Variants in MCM4 observed in about 807,000 individuals in gnomAD.
The protein encoded by MCM4 is minichromosome maintenance complex component 4.
Under a neutral mutation model 88.7 loss-of-function variants are expected in MCM4, and 60 were observed. The observed-to-expected ratio is 0.68, with a 90% CI of 0.55 to 0.84. The LOEUF (loss-of-function observed/expected upper bound fraction) is 0.84. Among genes scored for constraint, MCM4 ranks in the 40% least tolerant of loss-of-function variants. The probability of loss-of-function intolerance (pLI) is 0.00; values close to 1 mark genes in which losing one functional copy is unlikely to be tolerated. For synonymous variants in MCM4, 465 were observed against 410.5 expected, an observed-to-expected ratio of 1.13 and a Z score of -1.61; for missense variants, 1,149 against 1,105.5, an observed-to-expected ratio of 1.04 and a Z score of -0.56.
chr8:47,963,078 CA>C, intron 7 of MCM4, 38 bp downstream of exon 7: 1 of 1,168,820 alleles, frequency 8.6e-7, no homozygotes, highest in Non-Finnish European at 1.2e-6. Flanking sequence ...ATTTTAGTAA[CA>C]GTCTAGAAAG....
chr8:47,970,513 A>G lies in MCM4; in HGVS notation c.1437A>G (p.Gly479=). ...SIYEHEDIKK[G]ILLQLFGGTR... ...TAGACATGTCTCTGATTATTTAGGGAATTTTGCTTCAGCTCTTTGGCGGGA... is the reference window on the plus strand; with the variant it reads ...TAGACATGTCTCTGATTATTTAGGGGATTTTGCTTCAGCTCTTTGGCGGGA... The change falls in exon 12 of 17, where the codon GGA becomes GGG. Residue 479 remains glycine, a splice_region_variant and synonymous_variant. Transcript: ENST00000649973. The G allele has an allele frequency of 6.3e-7, 1 of 1,594,802 alleles. No individual in the cohort carries two copies. The highest frequency in any genetic ancestry group is 8.6e-7 in the Non-Finnish European group (1 of 1,166,158).
intron 7 of MCM4, among the ~76,000 whole-genome samples, chr8:47,963,902 T>TA (rs2090872231): frequency 6.6e-6 from 1 of 152,224 alleles, no homozygotes; most frequent in African/African-American, 2.4e-5. Context: ...AACCATATGT[T>TA]AAGAAATTTG....
Position 47,964,623 on chromosome 8 carries a change from G to A in MCM4, c.743G>A (p.Arg248His), listed in dbSNP as rs146842638. The change falls in exon 8 of 17, where the codon CGT becomes CAT. Residue 248 changes from arginine (R) to histidine (H), a missense_variant. This residue lies in a region of MCM4 where 906 missense variants were observed against 843.0 expected (regional missense o/e 1.07). Transcript: ENST00000649973. ...DMAVNEIFFD[R>H]YPDSILEHQI... is the part of the protein sequence containing the mutation. Reference sequence around the variant, plus strand: ...GCTGTCAATGAAATCTTCTTTGACCGTTACCCTGACTCAATCTTAGAACAT... The same window carrying A: ...GCTGTCAATGAAATCTTCTTTGACCATTACCCTGACTCAATCTTAGAACAT... 2.2e-4 allele frequency: 355 copies of A among 1,604,700 alleles called. No individual in the cohort carries two copies. The East Asian group carries it at 5.4e-3, about 24-fold the overall frequency.
At position 47,961,574 on chromosome 8, in the gene MCM4, C is replaced by T. The variant is rs749314247; in HGVS notation, c.129C>T (p.Thr43=). The change falls in exon 3 of 17, where the codon ACC becomes ACT. Residue 43 remains threonine, a synonymous_variant. Coordinates refer to ENST00000649973, the MANE Select transcript of MCM4 (RefSeq NM_182746.3). ...AGAGACGTAGAGGCGAGGATTCCAC[C>T]TCCACGGGGGAGTTGCAGCCGATGC... ...PSQRRRGEDS[T]STGELQPMPT... is the part of the protein sequence containing the mutation. 9.5e-5 allele frequency: 154 copies of T among 1,614,072 alleles called. No individual in the cohort carries two copies. The highest frequency in any genetic ancestry group is 1.3e-4 in the Non-Finnish European group (152 of 1,180,050).
At position 47,962,122 on chromosome 8, in the gene MCM4, C is replaced by T. The variant is rs747801340; in HGVS notation, c.305C>T (p.Thr102Ile). ...YGTPSSRVEGTPRSGVRGTPV... is the reference protein window; with the variant it reads ...YGTPSSRVEGIPRSGVRGTPV... ...ACTCCCAGCTCTCGGGTAGAGGGAACCCCAAGAAGTGGTGTTAGGGGCACA... is the reference window on the plus strand; with the variant it reads ...ACTCCCAGCTCTCGGGTAGAGGGAATCCCAAGAAGTGGTGTTAGGGGCACA... Residue 102 changes from threonine to isoleucine, a missense_variant, in exon 4 of 17, where the codon ACC (threonine) becomes ATC (isoleucine). Thr to Ile is a moderately conservative substitution (Grantham distance 89, BLOSUM62 -1). Transcript: ENST00000649973. 2 of 1,614,158 alleles carry T rather than the reference C, an allele frequency of 1.2e-6. No individual in the cohort carries two copies. Among genetic ancestry groups the T allele is most frequent in the South Asian group, 2.2e-5 (2 of 91,088 alleles).
rs1436876525 is a variant in MCM4 at position 47,976,884 on chromosome 8, T to G, written c.*106T>G. The G allele has an allele frequency of 2.9e-6, 2 of 683,438 alleles. No homozygotes were observed. Among genetic ancestry groups the G allele is most frequent in the Non-Finnish European group, 5.2e-6 (2 of 388,308 alleles). 42.3% of individuals were successfully genotyped at this position (683,438 alleles called of 1,614,324 possible). A position where few individuals can be genotyped will look rare whatever the true frequency, so the allele number is the denominator to read the frequency against. ...CCATCAGTGTAAATAGAGCTTAAAG[T>G]CATGGTTTGGCTGCATAAAAATTTT... On this transcript the variant is annotated 3_prime_UTR_variant, in exon 17 of 17. Coordinates refer to ENST00000649973, the MANE Select transcript of MCM4 (RefSeq NM_182746.3).
chr8:47,970,524 A>G lies in MCM4; in HGVS notation c.1448A>G (p.Gln483Arg). The G allele has an allele frequency of 6.3e-7, 1 of 1,598,592 alleles. No homozygotes were observed. Among genetic ancestry groups the G allele is most frequent in the Non-Finnish European group, 8.6e-7 (1 of 1,168,246 alleles). ...CTGATTATTTAGGGAATTTTGCTTC[A>G]GCTCTTTGGCGGGACAAGGAAGGAT... ...HEDIKKGILLQLFGGTRKDFS... is the reference protein window; with the variant it reads ...HEDIKKGILLRLFGGTRKDFS... Residue 483 changes from glutamine (Q) to arginine (R), a missense_variant, in exon 12 of 17, where the codon CAG becomes CGG. Coordinates refer to ENST00000649973, the MANE Select transcript of MCM4 (RefSeq NM_182746.3).
At chr8:47,966,078 G>A in intron 8 of MCM4, 109 bp from the exon 9 acceptor site, 2 of 805,090 alleles carry the variant, frequency 2.5e-6, no homozygotes, top group Non-Finnish European at 4.1e-6. Context: ...GACACAGAAA[G>A]GTCGCCCTAG....
intron 16 of MCM4, 45 bp from the exon 17 acceptor site, chr8:47,976,641 G>A (rs531817355): frequency 1.5e-6 from 2 of 1,336,100 alleles, no homozygotes; most frequent in East Asian, 4.6e-5. Context: ...AGGTAAAGGA[G>A]GGACTTGACG....
At position 47,961,211 on chromosome 8, in the gene MCM4, A is replaced by C. The variant is rs2090825183; in HGVS notation, c.67A>C (p.Thr23Pro). The change falls in exon 2 of 17, where the codon ACG becomes CCG. Residue 23 changes from threonine to proline, a missense_variant. Physicochemically the swap from Thr to Pro is conservative, Grantham distance 38 (BLOSUM62 -1). This residue lies in a region of MCM4 where 906 missense variants were observed against 843.0 expected (regional missense o/e 1.07). Transcript: ENST00000649973. The part of the protein sequence containing the change: ...SRRGRATPAQ[T>P]PRSEDARSSP... ...GCGTGGAAGGGCCACCCCCGCCCAG[A>C]CGCGTGAGTCCCCCGAGCCGGGCCC... 6.6e-7 allele frequency: 1 copy of C among 1,515,144 alleles called. No individual in the cohort carries two copies. The highest frequency in any genetic ancestry group is 8.8e-7 in the Non-Finnish European group (1 of 1,139,780). 93.9% of individuals were successfully genotyped at this position (1,515,144 alleles called of 1,614,324 possible).
chr8:47,977,484 C>T lies in MCM4; in HGVS notation c.*706C>T, dbSNP rs2091011008. 6.6e-6 allele frequency: 1 copy of T among 152,226 alleles called. No individual in the cohort carries two copies. Among genetic ancestry groups the T allele is most frequent in the African/African-American group, 2.4e-5 (1 of 41,446 alleles). 9.4% of individuals were successfully genotyped at this position (152,226 alleles called of 1,614,324 possible). A position where few individuals can be genotyped will look rare whatever the true frequency, so the allele number is the denominator to read the frequency against. On this transcript the variant is annotated 3_prime_UTR_variant, in exon 17 of 17. Transcript: ENST00000649973. ...GGCATATCACCTCATTGGTAAAGGG[C>T]TAGAGCCTTTCTTTTTTATGGCACT...
rs1044526654 is a variant in MCM4 at position 47,961,204 on chromosome 8, C to G, written c.60C>G (p.Pro20=). The change falls in exon 2 of 17, where the codon CCC becomes CCG. Residue 20 remains proline (P), a synonymous_variant. Transcript: ENST00000649973. ...GCAGCCGGCGTGGAAGGGCCACCCC[C>G]GCCCAGACGCGTGAGTCCCCCGAGC... ...RRGSRRGRAT[P]AQTPRSEDAR... The G allele has an allele frequency of 3.3e-6, 5 of 1,520,912 alleles. No homozygotes were observed. The highest frequency in any genetic ancestry group is 1.4e-5 in the African/African-American group (1 of 69,632). The allele number at this position is 1,520,912 out of a possible 1,614,324, so 94.2% of individuals were successfully genotyped here. A position where few individuals can be genotyped will look rare whatever the true frequency, so the allele number is the denominator to read the frequency against.
In MCM4 at chr8:47,970,736, A is replaced by G. The variant is rs776906734; in HGVS notation, c.1660A>G (p.Arg554Gly). ...GTACGTAATGAAAGACCCTGAGACAAGGCAGCTGGTCCTGCAGACAGGTGC... is the reference window on the plus strand; with the variant it reads ...GTACGTAATGAAAGACCCTGAGACAGGGCAGCTGGTCCTGCAGACAGGTGC... ...TAYVMKDPET[R>G]QLVLQTGALV... is the part of the protein sequence containing the mutation. The change falls in exon 12 of 17, where the codon AGG (arginine) becomes GGG (glycine). Residue 554 changes from arginine (R) to glycine (G), a missense_variant. Arg to Gly is a moderately radical substitution (Grantham distance 125). Transcript: ENST00000649973. 2.3e-5 allele frequency: 37 copies of G among 1,614,090 alleles called. No individual in the cohort carries two copies. In the South Asian group the frequency reaches 3.8e-4, roughly 17 times the overall value.
Position 47,966,379 on chromosome 8 carries a change from A to G in MCM4, c.1025A>G (p.Asn342Ser). ...HTTHSMALIH[N>S]RSLFSDKQMI... is the part of the protein sequence containing the mutation. ...ACCCACAGCATGGCACTCATCCACA[A>G]CCGCTCCCTCTTCTCTGACAAGCAG... Residue 342 changes from asparagine (N) to serine (S), a missense_variant, in exon 9 of 17, where the codon AAC becomes AGC. Around this residue, in one of 3 missense-constraint regions of MCM4, gnomAD observed 906 missense variants for 843.0 expected, o/e 1.07. Coordinates refer to ENST00000649973, the MANE Select transcript of MCM4 (RefSeq NM_182746.3). 6.2e-7 allele frequency: 1 copy of G among 1,612,338 alleles called. No individual in the cohort carries two copies. The highest frequency in any genetic ancestry group is 8.5e-7 in the Non-Finnish European group (1 of 1,178,978).
At chr8:47,967,320 G>T (rs1353616170) in intron 9 of MCM4, 45 bp from the exon 10 acceptor site, 1 of 1,611,740 alleles carries the variant, frequency 6.2e-7, no homozygotes. Flanking sequence ...TTGTCCCCCT[G>T]CCCTCTCTTT....
Position 47,976,990 on chromosome 8 carries a change from G to C in MCM4, c.*212G>C. ...TAAATAAAAATACTATGCTGGCCGG[G>C]CGCGGTGGCTCACACCTGTAATCCC... is the stretch of plus-strand genomic sequence containing the variant. On this transcript the variant is annotated 3_prime_UTR_variant, in exon 17 of 17. Coordinates refer to ENST00000649973, the MANE Select transcript of MCM4 (RefSeq NM_182746.3). 1 of 381,240 alleles carries C rather than the reference G, an allele frequency of 2.6e-6. No individual in the cohort carries two copies. The highest frequency in any genetic ancestry group is 2.5e-5 in the South Asian group (1 of 39,370). 23.6% of individuals were successfully genotyped at this position (381,240 alleles called of 1,614,324 possible). A position where few individuals can be genotyped will look rare whatever the true frequency, so the allele number is the denominator to read the frequency against.
Position 47,964,673 on chromosome 8 carries a change from G to A in MCM4, c.793G>A (p.Ala265Thr), listed in dbSNP as rs906263856. 13 of 1,597,790 alleles carry A rather than the reference G, an allele frequency of 8.1e-6. No individual in the cohort carries two copies. The highest frequency in any genetic ancestry group is 4.6e-5 in the South Asian group (4 of 87,664). The change falls in exon 8 of 17, where the codon GCA (alanine) becomes ACA (threonine). Residue 265 changes from alanine to threonine, a missense_variant. By Grantham distance (58) the Ala-to-Thr change is moderately conservative. This residue lies in a region of MCM4 where 906 missense variants were observed against 843.0 expected (regional missense o/e 1.07). Coordinates refer to ENST00000649973, the MANE Select transcript of MCM4 (RefSeq NM_182746.3). ...TCAGATTCAAGTAAGACCATTCAAC[G>A]CATTGAAGACTAAGAATATGAGAAA... ...EHQIQVRPFN[A>T]LKTKNMRNLN... is the part of the protein sequence containing the mutation.
chr8:47,973,490 TTTTC>T (rs1445058655), intron 14 of MCM4, among the ~76,000 whole-genome samples: 1 of 151,226 alleles, frequency 6.6e-6, no homozygotes. Flanking sequence ...AATAATAAAC[TTTTC>T]TTTTTTTTTT....
rs938825087 is a variant in MCM4, at chr8:47,961,437, A to G, written c.71-79A>G. ...TGGTTTGGTTCAGTGGTGAGTCATA[A>G]TGCCCCAAGGAAAAGACAAATCCAG... On this transcript the variant is annotated intron_variant, in intron 2 of 16. Transcript: ENST00000649973. 1.7e-5 allele frequency: 28 copies of G among 1,609,346 alleles called. No homozygotes were observed. The African/African-American group carries it at 2.9e-4, about 17-fold the overall frequency.
Sources: gnomAD v4.1 joint callset for allele counts (sites outside exome capture counted in the v4.1 genomes callset) on GRCh38, gnomAD v4.1.1 for gene constraint, gnomAD v4.1.1 regional missense constraint, MANE v1.5 for transcripts, NCBI Gene and HGNC (gene_info 2026-07-23, HGNC 2026-07-21) for gene names.